The following CDC42SE2 variants were observed in gnomAD, a reference collection of about 807,000 sequenced individuals.
CDC42SE2 encodes the protein CDC42 small effector protein 2.
A neutral mutation model predicts 11.5 loss-of-function variants in CDC42SE2; 3 were observed. The observed-to-expected ratio is 0.26, with a 90% CI of 0.12 to 0.67. The LOEUF (loss-of-function observed/expected upper bound fraction) is 0.67. Ranked by LOEUF, CDC42SE2 falls within the 30% of genes least tolerant of loss-of-function variation. CDC42SE2 has a pLI of 0.80. For missense variants in CDC42SE2, 82 were observed against 106.8 expected (o/e 0.77, Z 1.02); for synonymous variants, 33 against 34.8 (o/e 0.95, Z 0.18).
intron 1 of CDC42SE2, among the ~76,000 whole-genome samples, chr5:131,247,239 A>G (rs1756602396): frequency 6.6e-6 from 1 of 152,212 alleles, no homozygotes; most frequent in Admixed American, 6.5e-5. Flanking sequence ...GTAATATCCT[A>G]CAACCAATAG....
At chr5:131,257,914 T>C (rs1325649822) in intron 2 of CDC42SE2, among the ~76,000 whole-genome samples, 1 of 151,642 alleles carries the variant, frequency 6.6e-6, no homozygotes, top group Non-Finnish European at 1.5e-5. Context: ...AATGGCTTCC[T>C]AACACACACT....
chr5:131,218,349 C>T, the CDC42SE2 span, among the ~76,000 whole-genome samples: 1 of 152,096 alleles, frequency 6.6e-6, no homozygotes, highest in Non-Finnish European at 1.5e-5. Flanking sequence ...TGCAATATCA[C>T]TACATGCCCC....
At chr5:131,388,028 C>T (rs750326252) in intron 4 of CDC42SE2, among the ~76,000 whole-genome samples, 12 of 152,048 alleles carry the variant, frequency 7.9e-5, no homozygotes, top group African/African-American at 1.9e-4. Context: ...GACAGAGTCT[C>T]GCTCTGTCAC....
At position 131,321,905 on chromosome 5, in the gene CDC42SE2, C is replaced by T. The variant is rs142405223; in HGVS notation, c.-286+5761C>T. Among the ~76,000 whole-genome samples, 689 of 152,268 alleles carry T rather than the reference C, an allele frequency of 4.5e-3. 5 individuals are homozygous for T. The highest frequency in any genetic ancestry group is 0.016 in the African/African-American group (663 of 41,558). On this transcript the variant is annotated intron_variant, in intron 2 of 4. Coordinates refer to ENST00000505065, the MANE Select transcript of CDC42SE2 (RefSeq NM_001375635.1). ...TCGCTGTGTCGCCCAGGCTGGAGTG[C>T]GGTGACGCGATGTCGGCTCACTGCA...
intron 3 of CDC42SE2, among the ~76,000 whole-genome samples, chr5:131,361,192 T>C (rs894509239): frequency 1.1e-4 from 17 of 151,928 alleles, no homozygotes; most frequent in African/African-American, 3.9e-4. Flanking sequence ...TAATAAAGGG[T>C]ATATAATAAA....
the CDC42SE2 span, among the ~76,000 whole-genome samples, chr5:131,221,875 CACA>C: frequency 6.6e-6 from 1 of 152,116 alleles, no homozygotes; most frequent in African/African-American, 2.4e-5. Flanking sequence ...AGGTGAATTG[CACA>C]AATTTAATAT....
At chr5:131,270,087 AC>A (rs1187523257) in intron 1 of CDC42SE2, among the ~76,000 whole-genome samples, 1 of 150,996 alleles carries the variant, frequency 6.6e-6, no homozygotes, top group Admixed American at 6.6e-5. Context: ...ACAAAAAAAA[AC>A]AACTGGCCGG....
At chr5:131,368,351 T>C (rs1749923355) in intron 3 of CDC42SE2, among the ~76,000 whole-genome samples, 1 of 152,102 alleles carries the variant, frequency 6.6e-6, no homozygotes. Flanking sequence ...CTCTAGATTC[T>C]GTTTGACCAT....
chr5:131,365,051 A>T lies in CDC42SE2; in HGVS notation c.54+5504A>T, dbSNP rs142799787. On this transcript the variant is annotated intron_variant, in intron 3 of 4. Coordinates refer to ENST00000505065, the MANE Select transcript of CDC42SE2 (RefSeq NM_001375635.1). ...ATGCCTGTAATCCCAGCACTTTGGG[A>T]GGCCGAGGCGGGCTGATTACCTGAG... 2.8e-4 allele frequency among the ~76,000 whole-genome samples: 42 copies of T among 152,340 alleles called. No individual in the cohort carries two copies. In the East Asian group the frequency reaches 7.9e-3, roughly 29 times the overall value.
At chr5:131,349,015 T>C (rs1430824924) in intron 2 of CDC42SE2, among the ~76,000 whole-genome samples, 4 of 152,246 alleles carry the variant, frequency 2.6e-5, no homozygotes, top group Admixed American at 2.6e-4. Context: ...ACTTAAATGT[T>C]AGACCTAAAA....
At chr5:131,221,476 T>G in the CDC42SE2 span, among the ~76,000 whole-genome samples, 33 of 152,044 alleles carry the variant, frequency 2.2e-4, no homozygotes, top group East Asian at 5.6e-3. Flanking sequence ...ATCAACACCC[T>G]TCTGTATGCA....
chr5:131,289,823 G>T (rs1391158145), intron 1 of CDC42SE2, among the ~76,000 whole-genome samples: 1 of 152,012 alleles, frequency 6.6e-6, no homozygotes, highest in Non-Finnish European at 1.5e-5. Flanking sequence ...AACTTGAGAT[G>T]AATAAGAGAA....
intron 3 of CDC42SE2, among the ~76,000 whole-genome samples, chr5:131,363,749 G>T: frequency 7.0e-6 from 1 of 143,446 alleles, no homozygotes; most frequent in East Asian, 2.0e-4. Context: ...AAGCTGGAGT[G>T]CAGTGGTGCG....
At chr5:131,383,423 T>A (rs2149787606) in intron 3 of CDC42SE2, among the ~76,000 whole-genome samples, 1 of 152,318 alleles carries the variant, frequency 6.6e-6, no homozygotes, top group East Asian at 1.9e-4. Context: ...AAAAAAGGCT[T>A]GAAGTAAAAC....
intron 3 of CDC42SE2, 138 bp downstream of exon 3, chr5:131,359,685 C>G: frequency 1.4e-6 from 1 of 717,810 alleles, no homozygotes; most frequent in Non-Finnish European, 2.5e-6. Flanking sequence ...CAGTGGAACT[C>G]CGAACATATG....
intron 2 of CDC42SE2, among the ~76,000 whole-genome samples, chr5:131,322,432 G>C (rs1758211780): frequency 6.6e-6 from 1 of 152,132 alleles, no homozygotes. Context: ...ATGTTTTTGT[G>C]ACTGGCTTAT....
At chr5:131,352,261 T>C (rs1486551372) in intron 2 of CDC42SE2, among the ~76,000 whole-genome samples, 1 of 152,212 alleles carries the variant, frequency 6.6e-6, no homozygotes, top group Non-Finnish European at 1.5e-5. Flanking sequence ...AACAGCTTTA[T>C]TTTTAATAGC....
At chr5:131,324,223 G>A (rs1192688679) in intron 2 of CDC42SE2, among the ~76,000 whole-genome samples, 3 of 152,132 alleles carry the variant, frequency 2.0e-5, no homozygotes, top group African/African-American at 7.2e-5. Flanking sequence ...TACATTATGA[G>A]TATTAGAAGT....
chr5:131,357,089 T>G (rs1001252699), intron 2 of CDC42SE2, among the ~76,000 whole-genome samples: 2 of 152,148 alleles, frequency 1.3e-5, no homozygotes, highest in Non-Finnish European at 2.9e-5. Flanking sequence ...ATACTATTCT[T>G]TGAGCTTATA....
Sources: allele counts gnomAD v4.1 joint callset (sites outside exome capture counted in the v4.1 genomes callset), GRCh38; gene constraint gnomAD v4.1.1; transcripts MANE v1.5; gene names NCBI Gene and HGNC (gene_info 2026-07-23, HGNC 2026-07-21).